Variants in TMC5 observed in about 807,000 individuals in gnomAD.
The protein encoded by TMC5 is transmembrane channel like 5.
In TMC5, 86 loss-of-function variants were observed where a neutral mutation model predicts 110.5. That is an observed-to-expected ratio of 0.78 (90% CI 0.65 to 0.93). TMC5 has a LOEUF of 0.93. Ranked by LOEUF, TMC5 falls within the 40% of genes least tolerant of loss-of-function variation. The probability of loss-of-function intolerance (pLI) is 0.00; values close to 1 mark genes in which losing one functional copy is unlikely to be tolerated. For missense variants in TMC5, 1,144 were observed against 1,222.8 expected (o/e 0.94, Z 0.96); for synonymous variants, 455 against 439.5 (o/e 1.04, Z -0.44).
intron 9 of TMC5, among the ~76,000 whole-genome samples, chr16:19,469,353 T>TA (rs11333063): frequency 0.011 from 1,518 of 141,276 alleles, 12 homozygotes; most frequent in African/African-American, 0.014. Flanking sequence ...AAACTCTGTC[T>TA]AAAAAAAAAA....
chr16:19,493,184 C>T (rs1341619142), intron 19 of TMC5, among the ~76,000 whole-genome samples: 1 of 151,496 alleles, frequency 6.6e-6, no homozygotes, highest in East Asian at 2.0e-4. Flanking sequence ...TGGTCTCAAA[C>T]TTCCGACCTC....
intron 14 of TMC5, among the ~76,000 whole-genome samples, chr16:19,480,376 C>T (rs906929357): frequency 2.6e-5 from 4 of 151,726 alleles, no homozygotes; most frequent in East Asian, 3.9e-4. Flanking sequence ...TATGTATTTC[C>T]GCAAGCTGCT....
At chr16:19,490,094 C>G (rs1968848946) in intron 17 of TMC5, among the ~76,000 whole-genome samples, 1 of 152,130 alleles carries the variant, frequency 6.6e-6, no homozygotes, top group African/African-American at 2.4e-5. Context: ...CTTAATTCAA[C>G]TTCTTAAGAA....
chr16:19,498,502 C>T lies in TMC5; in HGVS notation c.*536C>T, dbSNP rs965019576. The T allele has an allele frequency of 2.6e-5, 4 of 156,534 alleles. No individual in the cohort carries two copies. The highest frequency in any genetic ancestry group is 9.6e-5 in the African/African-American group (4 of 41,472). The allele number at this position is 156,534 out of a possible 1,614,324, so 9.7% of individuals were successfully genotyped here. On this transcript the variant is annotated 3_prime_UTR_variant, in exon 22 of 22. Coordinates refer to ENST00000542583, the MANE Select transcript of TMC5 (RefSeq NM_001261841.2). ...GGTGGAATACAACCAGAGGTCTCAT[C>T]TCTGAACTTTCTTGCGTACTGATTA...
intron 17 of TMC5, among the ~76,000 whole-genome samples, chr16:19,489,401 C>T (rs1007294057): frequency 6.6e-6 from 1 of 152,140 alleles, no homozygotes; most frequent in African/African-American, 2.4e-5. Context: ...GTGGCGCAAT[C>T]TCGGCTCACT....
At chr16:19,472,874 T>TG in intron 11 of TMC5, among the ~76,000 whole-genome samples, 1 of 151,944 alleles carries the variant, frequency 6.6e-6, no homozygotes, top group African/African-American at 2.4e-5. Context: ...GGAGGTAGGG[T>TG]GAGGCCATGC....
chr16:19,491,056 G>A (rs191789762), intron 18 of TMC5, among the ~76,000 whole-genome samples: 18 of 148,278 alleles, frequency 1.2e-4, no homozygotes, highest in Admixed American at 1.2e-3. Flanking sequence ...TCTCACTCAG[G>A]CTAGACTGTA....
At chr16:19,424,492 T>C (rs900404592) in intron 1 of TMC5, among the ~76,000 whole-genome samples, 2 of 151,634 alleles carry the variant, frequency 1.3e-5, no homozygotes, top group Non-Finnish European at 2.9e-5. Context: ...CTACAAAAAA[T>C]ACGAAAATTA....
intron 1 of TMC5, among the ~76,000 whole-genome samples, chr16:19,425,406 T>C (rs1032153525): frequency 1.3e-5 from 2 of 151,762 alleles, no homozygotes; most frequent in Non-Finnish European, 2.9e-5. Flanking sequence ...TATCTGGTTC[T>C]GACTTTCTTT....
chr16:19,460,084 T>G (rs1308997707), intron 5 of TMC5, 151 bp from the exon 6 acceptor site: 9 of 474,086 alleles, frequency 1.9e-5, no homozygotes, highest in East Asian at 1.7e-4. Flanking sequence ...CATATATGTG[T>G]TTTTTTTGTT....
In TMC5 at chr16:19,448,961, A is replaced by G. The variant is rs1469331206; in HGVS notation, c.959-581A>G. Among the ~76,000 whole-genome samples, 3 of 147,314 alleles carry G rather than the reference A, an allele frequency of 2.0e-5. No homozygotes were observed. In the East Asian group the frequency reaches 6.0e-4, roughly 29 times the overall value. On this transcript the variant is annotated intron_variant, in intron 4 of 21. Coordinates refer to ENST00000542583, the MANE Select transcript of TMC5 (RefSeq NM_001261841.2). The stretch of plus-strand genomic sequence containing the variant: ...ACTGCAAGCTCCACCTCCTGGGTTC[A>G]TGCCATTCTGCCCCAGCCTCCCGAG...
intron 17 of TMC5, 77 bp from the exon 18 acceptor site, chr16:19,490,318 A>T (rs544518544): frequency 1.4e-6 from 2 of 1,466,984 alleles, no homozygotes; most frequent in East Asian, 4.5e-5. Context: ...CCCAGAGCCC[A>T]GAAGGGACAC....
chr16:19,428,234 G>A (rs1411447337), intron 1 of TMC5, among the ~76,000 whole-genome samples: 1 of 151,386 alleles, frequency 6.6e-6, no homozygotes, highest in Non-Finnish European at 1.5e-5. Context: ...AATTTTACTT[G>A]TGAAGATTAA....
intron 1 of TMC5, among the ~76,000 whole-genome samples, chr16:19,426,143 T>G (rs1967084764): frequency 6.6e-6 from 1 of 152,252 alleles, no homozygotes; most frequent in Admixed American, 6.5e-5. Context: ...ATACTTGGGT[T>G]GTGTTATATA....
chr16:19,418,251 A>G (rs1033806569), intron 1 of TMC5, among the ~76,000 whole-genome samples, 159 bp downstream of exon 1: 3 of 152,194 alleles, frequency 2.0e-5, no homozygotes, highest in Admixed American at 6.5e-5. Context: ...TGTTAGAGGA[A>G]AGAATGACCA....
At position 19,460,263 on chromosome 16, in the gene TMC5, C is replaced by A; in HGVS notation, c.1077C>A (p.Pro359=). The A allele has an allele frequency of 6.2e-7, 1 of 1,613,480 alleles. No homozygotes were observed. The highest frequency in any genetic ancestry group is 1.1e-5 in the South Asian group (1 of 91,058). ...QGQKLIASLI[P]MTSRDRIKAI... ...AGAAGTTAATCGCATCCCTTATACCCATGACATCCAGAGACAGAATTAAAG... is the reference window on the plus strand; with the variant it reads ...AGAAGTTAATCGCATCCCTTATACCAATGACATCCAGAGACAGAATTAAAG... The change falls in exon 6 of 22, where the codon CCC becomes CCA. Residue 359 remains proline, a synonymous_variant. Coordinates refer to ENST00000542583, the MANE Select transcript of TMC5 (RefSeq NM_001261841.2).
intron 18 of TMC5, among the ~76,000 whole-genome samples, chr16:19,491,137 G>C (rs1409600627): frequency 1.3e-5 from 2 of 151,990 alleles, no homozygotes; most frequent in Non-Finnish European, 2.9e-5. Context: ...CAGCCCCCAA[G>C]TAGCTGGGCT....
intron 2 of TMC5, among the ~76,000 whole-genome samples, chr16:19,433,387 A>G (rs1306560820): frequency 2.0e-5 from 3 of 152,172 alleles, no homozygotes; most frequent in Admixed American, 1.3e-4. Context: ...TTATGCTCAC[A>G]GCCCACTGGC....
chr16:19,474,082 A>G, intron 11 of TMC5, 43 bp from the exon 12 acceptor site: 4 of 1,591,314 alleles, frequency 2.5e-6, no homozygotes, highest in Non-Finnish European at 3.4e-6. Context: ...AAAGGGGTAC[A>G]GTGTACAAGT....
Sources: allele counts gnomAD v4.1 joint callset (sites outside exome capture counted in the v4.1 genomes callset), GRCh38; gene constraint gnomAD v4.1.1; transcripts MANE v1.5; gene names NCBI Gene and HGNC (gene_info 2026-07-23, HGNC 2026-07-21).